PRKAB1: variants seen among roughly 807,000 people sequenced by gnomAD.
The protein encoded by PRKAB1 is protein kinase AMP-activated non-catalytic subunit beta 1, also known as 5'-AMP-activated protein kinase subunit beta-1.
PRKAB1 carries 18 observed loss-of-function variants against 32.0 expected under a neutral mutation model. The observed-to-expected ratio is 0.56, with a 90% CI of 0.39 to 0.83. PRKAB1 has a LOEUF of 0.83. PRKAB1 is among the 40% of genes least tolerant of loss of function. The pLI is 0.00. For missense variants in PRKAB1, 263 were observed against 352.6 expected, an observed-to-expected ratio of 0.75 and a Z score of 2.03; for synonymous variants, 141 against 141.4, an observed-to-expected ratio of 1.00 and a Z score of 0.02.
upstream of PRKAB1, chr12:119,668,055 G>T: frequency 3.0e-6 from 2 of 656,958 alleles, no homozygotes; most frequent in Non-Finnish European, 4.7e-6. Context: ...GGTAAAGCGC[G>T]ATTGCGAGAG....
rs1955357148 is a variant in PRKAB1, at chr12:119,668,399, T to G, written c.155T>G (p.Ile52Ser). The change falls in exon 1 of 7, where the codon ATC becomes AGC. Residue 52 changes from isoleucine to serine, a missense_variant. Ile to Ser is a moderately radical substitution (Grantham distance 142). Transcript: ENST00000229328. ...EDADLFHSEE[I>S]KAPEKEEFLA... ...GCCGACCTCTTCCACTCCGAGGAAA[T>G]CAAGGTGCGAGCGGTGTGGAGGAAC... 3 of 1,612,374 alleles carry G rather than the reference T, an allele frequency of 1.9e-6. No individual in the cohort carries two copies. The highest frequency in any genetic ancestry group is 1.7e-6 in the Non-Finnish European group (2 of 1,179,308).
chr12:119,670,270 T>C (rs2136850517), intron 1 of PRKAB1, among the ~76,000 whole-genome samples: 1 of 152,340 alleles, frequency 6.6e-6, no homozygotes, highest in African/African-American at 2.4e-5. Context: ...CTGCCCAACA[T>C]ACCCTGTTAG....
chr12:119,673,768 C>G (rs780361702), intron 2 of PRKAB1, 196 bp from the exon 3 acceptor site: 1 of 470,540 alleles, frequency 2.1e-6, no homozygotes, highest in Admixed American at 4.0e-5. Context: ...GAAACTGTGT[C>G]GCACTGCTGC....
chr12:119,676,640 G>A lies in PRKAB1; in HGVS notation c.636G>A (p.Gln212=), dbSNP rs755407712. ...CTATTCTCCCCCCACATCTCCTCCA[G>A]GTCATCCTGAACAAGGACACGGGGA... ...APPILPPHLL[Q]VILNKDTGIS... The change falls in exon 5 of 7, where the codon CAG becomes CAA. Residue 212 remains glutamine (Q), a synonymous_variant. Transcript: ENST00000229328. The A allele has an allele frequency of 6.2e-7, 1 of 1,613,708 alleles. No individual in the cohort carries two copies. The highest frequency in any genetic ancestry group is 1.1e-5 in the South Asian group (1 of 91,038).
Position 119,679,707 on chromosome 12 carries a change from C to G in PRKAB1, c.667-226C>G. ...GCCGGGGTAAATGCCTGGCCAGAGA[C>G]ACACACCGATGCCTCCAGCAGGCAT... On this transcript the variant is annotated intron_variant, in intron 5 of 6. Coordinates refer to ENST00000229328, the MANE Select transcript of PRKAB1 (RefSeq NM_006253.5). The surrounding 1 kb of genome is among the most constrained non-coding windows in gnomAD (Gnocchi z 4.1). The G allele has an allele frequency of 1.8e-6, 1 of 543,912 alleles. No individual in the cohort carries two copies. The highest frequency in any genetic ancestry group is 3.3e-6 in the Non-Finnish European group (1 of 299,604). 33.7% of individuals were successfully genotyped at this position (543,912 alleles called of 1,614,324 possible).
At chr12:119,677,172 C>G (rs1955432219) in intron 5 of PRKAB1, among the ~76,000 whole-genome samples, 1 of 152,222 alleles carries the variant, frequency 6.6e-6, no homozygotes, top group Non-Finnish European at 1.5e-5. Context: ...ATTCTGTTTT[C>G]TGTTCCATCT....
chr12:119,678,806 C>T (rs1485955710), intron 5 of PRKAB1: 2 of 152,236 alleles, frequency 1.3e-5, no homozygotes, highest in African/African-American at 4.8e-5. Context: ...ATGAATAGAG[C>T]TGCAGTGAAC....
chr12:119,668,666 G>C (rs1225602797), intron 1 of PRKAB1, among the ~76,000 whole-genome samples: 1 of 152,236 alleles, frequency 6.6e-6, no homozygotes, highest in East Asian at 1.9e-4. Flanking sequence ...AAGCAGCTCT[G>C]GGACAGAGTT....
In PRKAB1 at chr12:119,680,019, C is replaced by T. The variant is rs1955452312; in HGVS notation, c.735+18C>T. On this transcript the variant is annotated intron_variant, in intron 6 of 6. Coordinates refer to ENST00000229328, the MANE Select transcript of PRKAB1 (RefSeq NM_006253.5). Reference sequence around the variant, plus strand: ...CTATCAAGGTAATGACATGTCTGTCCCCATGAGAGCTGTGTTGCCCAGTGT... The same window carrying T: ...CTATCAAGGTAATGACATGTCTGTCTCCATGAGAGCTGTGTTGCCCAGTGT... 1 of 1,606,162 alleles carries T rather than the reference C, an allele frequency of 6.2e-7. No individual in the cohort carries two copies. Among genetic ancestry groups the T allele is most frequent in the Non-Finnish European group, 8.5e-7 (1 of 1,172,804 alleles).
chr12:119,676,401 A>T, intron 4 of PRKAB1, 136 bp from the exon 5 acceptor site: 1 of 1,129,442 alleles, frequency 8.9e-7, no homozygotes, highest in Non-Finnish European at 1.3e-6. Context: ...TCTTGGAACC[A>T]GTGCATCCTT....
chr12:119,678,905 G>A (rs1955445943), intron 5 of PRKAB1: 2 of 152,130 alleles, frequency 1.3e-5, no homozygotes, highest in African/African-American at 4.8e-5. Context: ...GGTAATTTTA[G>A]TTATAACTTT....
At position 119,680,497 on chromosome 12, in the gene PRKAB1, A is replaced by G; in HGVS notation, c.*172A>G. 5.9e-6 allele frequency: 4 copies of G among 678,170 alleles called. No individual in the cohort carries two copies. Among genetic ancestry groups the G allele is most frequent in the South Asian group, 3.7e-5 (2 of 54,522 alleles). 42.0% of individuals were successfully genotyped at this position (678,170 alleles called of 1,614,324 possible). On this transcript the variant is annotated 3_prime_UTR_variant, in exon 7 of 7. Coordinates refer to ENST00000229328, the MANE Select transcript of PRKAB1 (RefSeq NM_006253.5). ...TTTGTCCAGGCAGAGCAGCTCCTGC[A>G]GCGCCTCGGTCTGTGACAGTCCTCC... is the stretch of plus-strand genomic sequence containing the variant.
intron 1 of PRKAB1, among the ~76,000 whole-genome samples, chr12:119,668,890 A>C (rs1362061719): frequency 6.6e-6 from 1 of 152,202 alleles, no homozygotes; most frequent in African/African-American, 2.4e-5. Context: ...AGCTGACGGC[A>C]GTTGCCAGAG....
chr12:119,672,331 C>A lies in PRKAB1; in HGVS notation c.190C>A (p.Gln64Lys), dbSNP rs946688613. 6.2e-7 allele frequency: 1 copy of A among 1,610,434 alleles called. No individual in the cohort carries two copies. The highest frequency in any genetic ancestry group is 1.3e-5 in the African/African-American group (1 of 74,942). Residue 64 changes from glutamine (Q) to lysine (K), a missense_variant, in exon 2 of 7, where the codon CAG becomes AAG. Physicochemically the swap from Gln to Lys is moderately conservative, Grantham distance 53. Transcript: ENST00000229328. ...AGAGAAGGAGGAATTCCTGGCCTGGCAGCATGATCTGGAAGTGAATGATAA... is the reference window on the plus strand; with the variant it reads ...AGAGAAGGAGGAATTCCTGGCCTGGAAGCATGATCTGGAAGTGAATGATAA... ...APEKEEFLAW[Q>K]HDLEVNDKAP...
At chr12:119,671,787 TA>T (rs1189252577) in intron 1 of PRKAB1, 1 of 155,896 alleles carries the variant, frequency 6.4e-6, no homozygotes, top group Non-Finnish European at 1.4e-5. Context: ...TGTAGACACT[TA>T]TTCCACAAGT....
rs1296031903 is a variant in PRKAB1 at position 119,679,646 on chromosome 12, A to G, written c.667-287A>G. Reference sequence around the variant, plus strand: ...CTGCTTTCTTCCTGCCCCACCCTCCATAAGAGGACAGGGCCGTGGCCCACA... The same window carrying G: ...CTGCTTTCTTCCTGCCCCACCCTCCGTAAGAGGACAGGGCCGTGGCCCACA... On this transcript the variant is annotated intron_variant, in intron 5 of 6. Transcript: ENST00000229328. This position sits in a 1 kb window ranked among gnomAD's most constrained non-coding sequence, Gnocchi z 4.1. 2.7e-5 allele frequency: 12 copies of G among 441,222 alleles called. No individual in the cohort carries two copies. Among genetic ancestry groups the G allele is most frequent in the Non-Finnish European group, 4.2e-5 (10 of 236,376 alleles). The allele number at this position is 441,222 out of a possible 1,614,324, so 27.3% of individuals were successfully genotyped here.
intron 1 of PRKAB1, among the ~76,000 whole-genome samples, chr12:119,669,259 C>A (rs1235252579): frequency 6.7e-6 from 1 of 149,112 alleles, no homozygotes; most frequent in Non-Finnish European, 1.5e-5. Context: ...CGGTGCTGGC[C>A]GGTTCAGCCT....
intron 4 of PRKAB1, among the ~76,000 whole-genome samples, chr12:119,675,517 T>TA (rs1376461014): frequency 6.6e-6 from 1 of 152,232 alleles, no homozygotes; most frequent in Admixed American, 6.5e-5. Context: ...ATATATAACT[T>TA]ACTGATACAT....
At position 119,674,476 on chromosome 12, in the gene PRKAB1, A is replaced by G; in HGVS notation, c.532+22A>G. ...TCTGGTATGAACACAGTTATTTTAT[A>G]CCACATGCGTGCAGGTGGGGGCTGT... is the stretch of plus-strand genomic sequence containing the variant. On this transcript the variant is annotated intron_variant, in intron 4 of 6. Coordinates refer to ENST00000229328, the MANE Select transcript of PRKAB1 (RefSeq NM_006253.5). The surrounding 1 kb of genome is among the most constrained non-coding windows in gnomAD (Gnocchi z 4.3). The G allele has an allele frequency of 6.5e-7, 1 of 1,545,830 alleles. No individual in the cohort carries two copies.
Sources: allele counts gnomAD v4.1 joint callset (sites outside exome capture counted in the v4.1 genomes callset), GRCh38; gene constraint gnomAD v4.1.1; non-coding constraint Gnocchi (gnomAD v3.1); transcripts MANE v1.5; gene names NCBI Gene and HGNC (gene_info 2026-07-23, HGNC 2026-07-21).